VARS1: variants seen among roughly 807,000 people sequenced by gnomAD.
VARS1 encodes valyl-tRNA synthetase 1.
VARS1 carries 92 observed loss-of-function variants against 161.0 expected under a neutral mutation model. The observed-to-expected ratio is 0.57, with a 90% confidence interval of 0.48 to 0.68. The LOEUF is 0.68. VARS1 is among the 30% of genes least tolerant of loss of function. The pLI, the probability that VARS1 is intolerant of heterozygous loss-of-function variation, is 0.00. For missense variants in VARS1, 1,338 were observed against 1,695.9 expected (o/e 0.79, Z 3.71); for synonymous variants, 595 against 682.5 (o/e 0.87, Z 2.00).
chr6:31,784,550 CCAGGGT>C lies in VARS1; in HGVS notation c.1467+39_1467+44del. ...CGTGGCCCAGGGGCCAGGGCCAGGG[CCAGGGT>C]AGATTGGAGATGGAGACAGGCCAGG... is the stretch of plus-strand genomic sequence containing the variant. On this transcript the variant is annotated intron_variant, in intron 11 of 29. Coordinates refer to ENST00000375663, the MANE Select transcript of VARS1 (RefSeq NM_006295.3). The surrounding 1 kb of genome is among the most constrained non-coding windows in gnomAD (Gnocchi z 6.1). 2 of 1,613,554 alleles carry C rather than the reference CCAGGGT, an allele frequency of 1.2e-6. No individual in the cohort carries two copies. The highest frequency in any genetic ancestry group is 1.7e-6 in the Non-Finnish European group (2 of 1,180,030).
At position 31,792,270 on chromosome 6, in the gene VARS1, C is replaced by T. The variant is rs201839863; in HGVS notation, c.818G>A (p.Arg273Gln). The T allele has an allele frequency of 1.3e-5, 21 of 1,613,800 alleles. No individual in the cohort carries two copies. The highest frequency in any genetic ancestry group is 5.3e-5 in the African/African-American group (4 of 74,830). The change falls in exon 6 of 30, where the codon CGG becomes CAG. Residue 273 changes from arginine (R) to glutamine (Q), a missense_variant. By Grantham distance (43) the Arg-to-Gln change is conservative. Transcript: ENST00000375663. ...GTCATAGGTAATGACCCCAGGATCCCGTTTCTCCCTCTTCTCTGGTTTTGG... is the reference window on the plus strand; with the variant it reads ...GTCATAGGTAATGACCCCAGGATCCTGTTTCTCCCTCTTCTCTGGTTTTGG... ...KKPKPEKREK[R>Q]DPGVITYDLP...
In VARS1 at chr6:31,782,503, C is replaced by T. The variant is rs1319059695; in HGVS notation, c.1991+27G>A. The stretch of plus-strand genomic sequence containing the variant: ...AAAACCCTGAGGAGCCCTCCATCTT[C>T]CTCCCGTCCCAGGCCCCCACCCTCA... On this transcript the variant is annotated intron_variant, in intron 16 of 29. Transcript: ENST00000375663. The surrounding 1 kb of genome is among the most constrained non-coding windows in gnomAD (Gnocchi z 8.3). 1 of 1,612,764 alleles carries T rather than the reference C, an allele frequency of 6.2e-7. No individual in the cohort carries two copies. Among genetic ancestry groups the T allele is most frequent in the African/African-American group, 1.3e-5 (1 of 74,938 alleles).
At chr6:31,790,854 C>T (rs749019091) in intron 8 of VARS1, among the ~76,000 whole-genome samples, 2 of 151,776 alleles carry the variant, frequency 1.3e-5, no homozygotes, top group African/African-American at 4.8e-5. Flanking sequence ...TCTATGGGTA[C>T]GTGTATATGT....
chr6:31,780,911 T>A lies in VARS1; in HGVS notation c.2677A>T (p.Asn893Tyr), dbSNP rs145065419. ...TTCTCCACCTCGCTGGGATCCAGGTTGCTGTTCAGCAGCTGGTTGTGGAGG... is the reference window on the plus strand; with the variant it reads ...TTCTCCACCTCGCTGGGATCCAGGTAGCTGTTCAGCAGCTGGTTGTGGAGG... The part of the protein sequence containing the change: ...QGLHNQLLNS[N>Y]LDPSEVEKAK... Residue 893 changes from asparagine (N) to tyrosine (Y), a missense_variant, in exon 23 of 30, where the codon AAC becomes TAC. Physicochemically the swap from Asn to Tyr is moderately radical, Grantham distance 143. Coordinates refer to ENST00000375663, the MANE Select transcript of VARS1 (RefSeq NM_006295.3). This position sits in a 1 kb window ranked among gnomAD's most constrained non-coding sequence, Gnocchi z 5.1. 8.2e-5 allele frequency: 132 copies of A among 1,614,168 alleles called. No individual in the cohort carries two copies. In the African/African-American group the frequency reaches 1.4e-3, roughly 17 times the overall value.
In VARS1 at chr6:31,778,902, A is replaced by C. The variant is rs1356516127; in HGVS notation, c.3726+65T>G. ...TTGTCAACACCACTGCACTCGGACC[A>C]GCCCAGACCAGGGTTTTGATGGAGG... On this transcript the variant is annotated intron_variant, in intron 29 of 29. Coordinates refer to ENST00000375663, the MANE Select transcript of VARS1 (RefSeq NM_006295.3). This position sits in a 1 kb window ranked among gnomAD's most constrained non-coding sequence, Gnocchi z 5.1. 1 of 1,602,128 alleles carries C rather than the reference A, an allele frequency of 6.2e-7. No homozygotes were observed. Among genetic ancestry groups the C allele is most frequent in the Non-Finnish European group, 8.5e-7 (1 of 1,172,208 alleles).
At chr6:31,792,963 C>T in intron 3 of VARS1, 23 bp downstream of exon 3, 1 of 1,614,050 alleles carries the variant, frequency 6.2e-7, no homozygotes, top group South Asian at 1.1e-5. Flanking sequence ...CAGTCTTGTT[C>T]TTCCCCAGGC....
Position 31,781,430 on chromosome 6 carries a change from C to T in VARS1, c.2544+51G>A, listed in dbSNP as rs767627386. 2.4e-5 allele frequency: 39 copies of T among 1,599,212 alleles called. No individual in the cohort carries two copies. Among genetic ancestry groups the T allele is most frequent in the Admixed American group, 5.2e-5 (3 of 57,366 alleles). ...GCGGGGTCTGCGCTGCAGCACAGGA[C>T]GGTAGGAGAGGAGGCTGGGGGCGAT... On this transcript the variant is annotated intron_variant, in intron 21 of 29. Coordinates refer to ENST00000375663, the MANE Select transcript of VARS1 (RefSeq NM_006295.3). The surrounding 1 kb of genome is among the most constrained non-coding windows in gnomAD (Gnocchi z 6.8).
chr6:31,779,495 C>T lies in VARS1; in HGVS notation c.3330G>A (p.Leu1110=), dbSNP rs770534196. ...KDPEAEAALE[L]ALSITRAVRS... is the part of the protein sequence containing the mutation. Reference sequence around the variant, plus strand: ...GCACGGCTCGCGTGATGCTTAGCGCCAGCTCAAGGGCGGCTTCTGCCTCGG... The same window carrying T: ...GCACGGCTCGCGTGATGCTTAGCGCTAGCTCAAGGGCGGCTTCTGCCTCGG... The change falls in exon 28 of 30, where the codon CTG becomes CTA. Residue 1110 remains leucine, a synonymous_variant. Coordinates refer to ENST00000375663, the MANE Select transcript of VARS1 (RefSeq NM_006295.3). The surrounding 1 kb of genome is among the most constrained non-coding windows in gnomAD (Gnocchi z 9.1). The T allele has an allele frequency of 1.6e-5, 26 of 1,612,682 alleles. No individual in the cohort carries two copies. Among genetic ancestry groups the T allele is most frequent in the Non-Finnish European group, 2.2e-5 (26 of 1,179,994 alleles).
chr6:31,779,479 G>A lies in VARS1; in HGVS notation c.3346C>T (p.Arg1116Ter). Reference sequence around the variant, plus strand: ...TCGGCCCGCAGGGAGCGCACGGCTCGCGTGATGCTTAGCGCCAGCTCAAGG... The same window carrying A: ...TCGGCCCGCAGGGAGCGCACGGCTCACGTGATGCTTAGCGCCAGCTCAAGG... Reference protein sequence around the residue: ...AALELALSITRAVRSLRADYN... With the variant: ...AALELALSIT The change falls in exon 28 of 30, where the codon CGA becomes TGA. Residue 1116 changes from arginine to a stop codon, truncating the protein, a stop_gained. Transcript: ENST00000375663. LOFTEE classifies it high-confidence loss of function. This position sits in a 1 kb window ranked among gnomAD's most constrained non-coding sequence, Gnocchi z 9.1. 3 of 1,612,804 alleles carry A rather than the reference G, an allele frequency of 1.9e-6. No homozygotes were observed. The highest frequency in any genetic ancestry group is 2.5e-6 in the Non-Finnish European group (3 of 1,179,992).
rs529898739 is a variant in VARS1, at chr6:31,779,657, G to A, written c.3239C>T (p.Pro1080Leu). 4.1e-5 allele frequency: 66 copies of A among 1,612,772 alleles called. No individual in the cohort carries two copies. The East Asian group carries it at 7.1e-4, about 17-fold the overall frequency. Residue 1080 changes from proline (P) to leucine (L), a missense_variant, in exon 27 of 30, where the codon CCG becomes CTG. Physicochemically the swap from Pro to Leu is moderately conservative, Grantham distance 98. Coordinates refer to ENST00000375663, the MANE Select transcript of VARS1 (RefSeq NM_006295.3). This position sits in a 1 kb window ranked among gnomAD's most constrained non-coding sequence, Gnocchi z 9.1. ...AACACAGAGGCTAGGGGGAGCTTGC[G>A]GCATCCTCCGGGGCAGCCTCTGGAA... The part of the protein sequence containing the change: ...ELFQRLPRRM[P>L]QAPPSLCVTP...
chr6:31,780,543 G>A lies in VARS1; in HGVS notation c.2823C>T (p.Asn941=). The A allele has an allele frequency of 6.2e-7, 1 of 1,613,846 alleles. No homozygotes were observed. The highest frequency in any genetic ancestry group is 8.5e-7 in the Non-Finnish European group (1 of 1,179,928). Residue 941 remains asparagine (N), a synonymous_variant, in exon 25 of 30, where the codon AAC becomes AAT. Coordinates refer to ENST00000375663, the MANE Select transcript of VARS1 (RefSeq NM_006295.3). This position sits in a 1 kb window ranked among gnomAD's most constrained non-coding sequence, Gnocchi z 5.1. ...AGAAGTGGCGGTAACCCAGTATCCG[G>A]TTCACATCCAGGTTGATGTCACGAC... ...SQGRDINLDV[N]RILGYRHFCN...
Position 31,779,344 on chromosome 6 carries a change from A to G in VARS1, c.3401-52T>C. 6.2e-7 allele frequency: 1 copy of G among 1,601,712 alleles called. No homozygotes were observed. The highest frequency in any genetic ancestry group is 1.3e-5 in the African/African-American group (1 of 75,038). ...CTAGCTCCATGGAGACAGGAAACCA[A>G]GCAGTCACTGCCGGACACTGGGTCC... is the stretch of plus-strand genomic sequence containing the variant. On this transcript the variant is annotated intron_variant, in intron 28 of 29. Coordinates refer to ENST00000375663, the MANE Select transcript of VARS1 (RefSeq NM_006295.3). The surrounding 1 kb of genome is among the most constrained non-coding windows in gnomAD (Gnocchi z 9.1).
In VARS1 at chr6:31,791,969, C is replaced by T. The variant is rs1813898151; in HGVS notation, c.874G>A (p.Val292Ile). ...TAGGAGTCGGGCATGGGGCCACTGA[C>T]ATCTGGGGGAGAGGAAGGGAGGGCT... The part of the protein sequence containing the change: ...LPTPPGEKKD[V>I]SGPMPDSYSP... Residue 292 changes from valine to isoleucine, a missense_variant and splice_region_variant, in exon 7 of 30, where the codon GTC (valine) becomes ATC (isoleucine). Around this residue, in one of 3 missense-constraint regions of VARS1, gnomAD observed 902 missense variants for 1,090.3 expected, o/e 0.83. Transcript: ENST00000375663. The surrounding 1 kb of genome is among the most constrained non-coding windows in gnomAD (Gnocchi z 5.0). The T allele has an allele frequency of 1.9e-6, 3 of 1,583,524 alleles. No homozygotes were observed. Among genetic ancestry groups the T allele is most frequent in the Non-Finnish European group, 2.6e-6 (3 of 1,163,950 alleles).
rs1014417541 is a variant in VARS1, at chr6:31,795,005, C to T, written c.213G>A (p.Gly71=). Residue 71 remains glycine (G), a synonymous_variant, in exon 2 of 30, where the codon GGG becomes GGA. Transcript: ENST00000375663. This position sits in a 1 kb window ranked among gnomAD's most constrained non-coding sequence, Gnocchi z 6.9. ...ACAGCAGCTGGGCCACAGCCGTGGC[C>T]CCCCACACCCAGAGCCCACCGGGCC... ...EQGPGGLWVW[G]ATAVAQLLWP... The T allele has an allele frequency of 1.4e-5, 23 of 1,601,844 alleles. No individual in the cohort carries two copies. Among genetic ancestry groups the T allele is most frequent in the Non-Finnish European group, 1.8e-5 (21 of 1,173,204 alleles).
rs1813886062 is a variant in VARS1 at position 31,791,816 on chromosome 6, GTCCT to G, written c.972+51_972+54del. 1 of 1,612,728 alleles carries G rather than the reference GTCCT, an allele frequency of 6.2e-7. No individual in the cohort carries two copies. Among genetic ancestry groups the G allele is most frequent in the African/African-American group, 1.3e-5 (1 of 74,896 alleles). On this transcript the variant is annotated intron_variant, in intron 7 of 29. Transcript: ENST00000375663. This position sits in a 1 kb window ranked among gnomAD's most constrained non-coding sequence, Gnocchi z 5.0. Reference sequence around the variant, plus strand: ...CCCCTCCCAGGCAACACATCCTTCAGTCCTGCCCTTCCCCACCCCACCCACTCTG... The same window carrying G: ...CCCCTCCCAGGCAACACATCCTTCAGGCCCTTCCCCACCCCACCCACTCTG...
chr6:31,782,271 A>C lies in VARS1; in HGVS notation c.2150+14T>G, dbSNP rs778504560. 3 of 1,611,274 alleles carry C rather than the reference A, an allele frequency of 1.9e-6. 1 individual carries two copies. The South Asian group carries it at 3.3e-5, about 18-fold the overall frequency. On this transcript the variant is annotated intron_variant, in intron 17 of 29. Transcript: ENST00000375663. The surrounding 1 kb of genome is among the most constrained non-coding windows in gnomAD (Gnocchi z 8.3). ...CCCTCGGCAAGCCCCTCCCACACTGAGGACCCTACACACCGGATGTTGTCC... is the reference window on the plus strand; with the variant it reads ...CCCTCGGCAAGCCCCTCCCACACTGCGGACCCTACACACCGGATGTTGTCC...
At position 31,784,098 on chromosome 6, in the gene VARS1, G is replaced by T; in HGVS notation, c.1671+116C>A. 1.7e-6 allele frequency: 2 copies of T among 1,192,178 alleles called. No individual in the cohort carries two copies. The highest frequency in any genetic ancestry group is 2.4e-6 in the Non-Finnish European group (2 of 827,002). The allele number at this position is 1,192,178 out of a possible 1,614,324, so 73.8% of individuals were successfully genotyped here. A position where few individuals can be genotyped will look rare whatever the true frequency, so the allele number is the denominator to read the frequency against. On this transcript the variant is annotated intron_variant, in intron 13 of 29. Coordinates refer to ENST00000375663, the MANE Select transcript of VARS1 (RefSeq NM_006295.3). This position sits in a 1 kb window ranked among gnomAD's most constrained non-coding sequence, Gnocchi z 6.1. ...GAGCTGGGAAAGAAGCTGAAGACCA[G>T]TTTCTAACCCAGTTTCCTCTCCTCA...
In VARS1 at chr6:31,792,869, G is replaced by A. The variant is rs1292159420; in HGVS notation, c.549C>T (p.Ile183=). 3.1e-6 allele frequency: 5 copies of A among 1,614,038 alleles called. No individual in the cohort carries two copies. The highest frequency in any genetic ancestry group is 1.7e-5 in the Admixed American group (1 of 59,996). ...CAAACCAGCGAGTCACATTATTCCA[G>A]ATCCGGCGGGCAGGTGGGTCTAGGA... is the stretch of plus-strand genomic sequence containing the variant. ...RYVLDPPARR[I]WNNVTRWFVT... Residue 183 remains isoleucine, a synonymous_variant, in exon 4 of 30, where the codon ATC becomes ATT. Transcript: ENST00000375663.
chr6:31,784,320 GA>G lies in VARS1; in HGVS notation c.1577-13del. The G allele has an allele frequency of 6.2e-7, 1 of 1,614,182 alleles. No homozygotes were observed. The highest frequency in any genetic ancestry group is 8.5e-7 in the Non-Finnish European group (1 of 1,180,034). On this transcript the variant is annotated splice_polypyrimidine_tract_variant and intron_variant, in intron 12 of 29. Transcript: ENST00000375663. The surrounding 1 kb of genome is among the most constrained non-coding windows in gnomAD (Gnocchi z 6.1). Reference sequence around the variant, plus strand: ...CTCCTCGTCGCTATCTGGGGTGACAGAAGGCCTTGTGGTCTTGGCCTTGGCC... The same window carrying G: ...CTCCTCGTCGCTATCTGGGGTGACAGAGGCCTTGTGGTCTTGGCCTTGGCC...
Sources: gnomAD v4.1 joint callset for allele counts (sites outside exome capture counted in the v4.1 genomes callset) on GRCh38, gnomAD v4.1.1 for gene constraint, gnomAD v4.1.1 regional missense constraint, Gnocchi (gnomAD v3.1) non-coding constraint, MANE v1.5 for transcripts, NCBI Gene and HGNC (gene_info 2026-07-23, HGNC 2026-07-21) for gene names.